CR1L: variants seen among roughly 807,000 people sequenced by gnomAD.
CR1L encodes complement component receptor 1-like protein.
CR1L carries 59 observed loss-of-function variants against 62.3 expected under a neutral mutation model. The ratio of observed to expected loss-of-function variants is 0.95; its 90% CI spans 0.77 to 1.18. CR1L has a LOEUF of 1.18. CR1L is among the 50% of genes most tolerant of loss of function. The pLI is 0.00. For synonymous variants in CR1L, 279 were observed against 248.7 expected (o/e 1.12, Z -1.15); for missense variants, 700 against 702.8 (o/e 1.00, Z 0.04).
intron 9 of CR1L, 200 bp downstream of exon 9, chr1:207,701,818 T>G: frequency 1.2e-6 from 1 of 809,702 alleles, no homozygotes; most frequent in Non-Finnish European, 2.1e-6. Flanking sequence ...ACCAGGGCAG[T>G]GCACACATAA....
chr1:207,694,152 G>T (rs1664034722), intron 4 of CR1L, among the ~76,000 whole-genome samples: 1 of 152,118 alleles, frequency 6.6e-6, no homozygotes, highest in Non-Finnish European at 1.5e-5. Flanking sequence ...ATAAATGCAT[G>T]CAAATATTAT....
At chr1:207,720,576 T>G (rs920777899) in intron 11 of CR1L, among the ~76,000 whole-genome samples, 2 of 152,168 alleles carry the variant, frequency 1.3e-5, no homozygotes, top group African/African-American at 4.8e-5. Flanking sequence ...TCTCCCCATT[T>G]CAATGGCCCA....
intron 1 of CR1L, among the ~76,000 whole-genome samples, chr1:207,654,375 G>T (rs1253615426): frequency 1.3e-5 from 2 of 152,124 alleles, no homozygotes; most frequent in Non-Finnish European, 2.9e-5. Context: ...GATACCAAAA[G>T]TTTAAGACAT....
intron 1 of CR1L, chr1:207,669,513 C>A: frequency 1.3e-6 from 2 of 1,581,158 alleles, no homozygotes; most frequent in Non-Finnish European, 1.7e-6. Flanking sequence ...CCTTCTGCTG[C>A]GGAGGATCCC....
At chr1:207,710,419 A>C in intron 10 of CR1L, 1 of 1,563,846 alleles carries the variant, frequency 6.4e-7, no homozygotes, top group Non-Finnish European at 8.8e-7. Context: ...TCACCAATGG[A>C]TATTTCATTA....
intron 4 of CR1L, among the ~76,000 whole-genome samples, chr1:207,692,162 C>T (rs12082175): frequency 1.6e-4 from 24 of 152,292 alleles, no homozygotes; most frequent in African/African-American, 5.5e-4. Flanking sequence ...TACAGAGAAA[C>T]CTTTAGGCTG....
In CR1L at chr1:207,710,766, C is replaced by T. The variant is rs1409655428; in HGVS notation, c.1414+2503C>T. The T allele has an allele frequency of 5.6e-6, 9 of 1,604,362 alleles. No individual in the cohort carries two copies. In the East Asian group the frequency reaches 6.7e-5, roughly 12 times the overall value. ...GGCCCTGAACAAATGGGAGCCGGAG[C>T]TACCAAGCTGCTCCAGGGGTGTGTT... On this transcript the variant is annotated intron_variant, in intron 10 of 11. Coordinates refer to ENST00000508064, the MANE Select transcript of CR1L (RefSeq NM_175710.2).
intron 10 of CR1L, among the ~76,000 whole-genome samples, chr1:207,712,152 G>A (rs551311290): frequency 6.6e-6 from 1 of 152,326 alleles, no homozygotes; most frequent in Non-Finnish European, 1.5e-5. Flanking sequence ...CAATTTAGGG[G>A]CATGCCTGTC....
chr1:207,684,380 T>G (rs192589192), intron 4 of CR1L, among the ~76,000 whole-genome samples: 121 of 152,340 alleles, frequency 7.9e-4, no homozygotes, highest in African/African-American at 2.7e-3. Context: ...CCCCATGCAC[T>G]ATAAACCTCA....
At chr1:207,648,101 T>C (rs1433468733) in intron 1 of CR1L, among the ~76,000 whole-genome samples, 4 of 150,316 alleles carry the variant, frequency 2.7e-5, no homozygotes, top group Non-Finnish European at 4.4e-5. Flanking sequence ...GGAGCCCCCA[T>C]GGTCAAGGCT....
chr1:207,645,320 C>A lies in CR1L; in HGVS notation c.87C>A (p.Ser29=), dbSNP rs1558007720. 3 of 1,613,978 alleles carry A rather than the reference C, an allele frequency of 1.9e-6. No individual in the cohort carries two copies. Among genetic ancestry groups the A allele is most frequent in the Non-Finnish European group, 2.5e-6 (3 of 1,180,018 alleles). Residue 29 remains serine (S), a synonymous_variant, in exon 1 of 12, where the codon TCC becomes TCA. Transcript: ENST00000508064. The part of the protein sequence containing the change: ...LLLAALVLLL[S]SFSDQCNVPE... ...TGGCGGCCCTGGTGTTGCTGCTGTC[C>A]TCCTTCTCCGGTAGGACCCCGGGGT...
chr1:207,722,769 TG>T (rs1210478316), intron 11 of CR1L, among the ~76,000 whole-genome samples: 1 of 152,006 alleles, frequency 6.6e-6, no homozygotes, highest in Non-Finnish European at 1.5e-5. Context: ...AAATCTCTTA[TG>T]AAAAACAATT....
intron 1 of CR1L, among the ~76,000 whole-genome samples, chr1:207,671,274 C>A: frequency 6.6e-6 from 1 of 150,972 alleles, no homozygotes; most frequent in South Asian, 2.1e-4. Context: ...ACTAAGCAGT[C>A]GTGCAAGACT....
At chr1:207,710,248 G>C (rs12082406) in intron 10 of CR1L, 23 of 607,130 alleles carry the variant, frequency 3.8e-5, no homozygotes, top group South Asian at 9.5e-5. Flanking sequence ...GGAGGTTGAG[G>C]GGGGAGGATT....
At chr1:207,683,656 T>C (rs185893239) in intron 3 of CR1L, among the ~76,000 whole-genome samples, 3 of 152,166 alleles carry the variant, frequency 2.0e-5, no homozygotes, top group East Asian at 3.9e-4. Flanking sequence ...TGTCATAAGA[T>C]AATAAAAAAG....
chr1:207,672,061 AT>A (rs1663622877), intron 1 of CR1L, among the ~76,000 whole-genome samples: 1 of 151,194 alleles, frequency 6.6e-6, no homozygotes, highest in South Asian at 2.1e-4. Context: ...TTGAGTGTCA[AT>A]GATCTAAAGG....
At chr1:207,710,112 G>C (rs1008516596) in intron 10 of CR1L, among the ~76,000 whole-genome samples, 2 of 152,266 alleles carry the variant, frequency 1.3e-5, no homozygotes, top group South Asian at 2.1e-4. Context: ...GGAAGGCAGA[G>C]GCAGGTGGAT....
intron 9 of CR1L, among the ~76,000 whole-genome samples, chr1:207,703,985 A>T (rs886307910): frequency 6.6e-6 from 1 of 152,068 alleles, no homozygotes; most frequent in Non-Finnish European, 1.5e-5. Context: ...AAAGGAAAAA[A>T]AAATACATTT....
intron 3 of CR1L, 94 bp from the exon 4 acceptor site, chr1:207,683,778 A>C: frequency 2.5e-6 from 3 of 1,191,978 alleles, no homozygotes; most frequent in East Asian, 2.5e-5. Flanking sequence ...TGTCCCTCTG[A>C]ATTCTATAAG....
Sources: allele counts gnomAD v4.1 joint callset (sites outside exome capture counted in the v4.1 genomes callset), GRCh38; gene constraint gnomAD v4.1.1; transcripts MANE v1.5; gene names NCBI Gene and HGNC (gene_info 2026-07-23, HGNC 2026-07-21).